Variants in ATR observed in about 807,000 individuals in gnomAD.
The protein encoded by ATR is ATR checkpoint kinase.
Under a neutral mutation model 305.3 loss-of-function variants are expected in ATR, and 142 were observed. The ratio of observed to expected loss-of-function variants is 0.47; its 90% CI spans 0.41 to 0.53. The LOEUF (loss-of-function observed/expected upper bound fraction) is 0.53. Ranked by LOEUF, ATR falls within the 20% of genes least tolerant of loss-of-function variation. The pLI, the probability that ATR is intolerant of heterozygous loss-of-function variation, is 0.00. For missense variants in ATR, 2,135 were observed against 3,133.1 expected, an observed-to-expected ratio of 0.68 and a Z score of 7.60; for synonymous variants, 1,050 against 1,068.1, an observed-to-expected ratio of 0.98 and a Z score of 0.33.
At chr3:142,575,390 A>G (rs2035402461) in intron 1 of ATR, among the ~76,000 whole-genome samples, 1 of 151,698 alleles carries the variant, frequency 6.6e-6, no homozygotes, top group Non-Finnish European at 1.5e-5. Context: ...AGGCTGAGAC[A>G]GGAAAATCGC....
intron 2 of ATR, among the ~76,000 whole-genome samples, chr3:142,566,994 T>A (rs1399183762): frequency 6.6e-6 from 1 of 152,168 alleles, no homozygotes; most frequent in Non-Finnish European, 1.5e-5. Flanking sequence ...TCCACCCACC[T>A]CGGCCTCCCA....
chr3:142,471,269 CAT>C lies in ATR; in HGVS notation c.6222-1088_6222-1087del, dbSNP rs1408592781. Reference sequence around the variant, plus strand: ...TCCTCGAGGTTCATCTATGTTGTACCATATGTCAGAATTTCCTTCCTTTTTAA... The same window carrying C: ...TCCTCGAGGTTCATCTATGTTGTACCATGTCAGAATTTCCTTCCTTTTTAA... On this transcript the variant is annotated intron_variant, in intron 36 of 46. Coordinates refer to ENST00000350721, the MANE Select transcript of ATR (RefSeq NM_001184.4). 3.9e-4 allele frequency among the ~76,000 whole-genome samples: 60 copies of C among 152,114 alleles called. 1 individual carries two copies. Among genetic ancestry groups the C allele is most frequent in the Admixed American group, 3.7e-3 (56 of 15,264 alleles).
At chr3:142,527,265 A>G (rs1237482242) in intron 21 of ATR, among the ~76,000 whole-genome samples, 1 of 152,000 alleles carries the variant, frequency 6.6e-6, no homozygotes, top group Non-Finnish European at 1.5e-5. Flanking sequence ...TTCATTTCCT[A>G]TACTCCAGGA....
At chr3:142,460,199 C>T (rs1443335638) in intron 42 of ATR, among the ~76,000 whole-genome samples, 2 of 151,922 alleles carry the variant, frequency 1.3e-5, no homozygotes, top group Non-Finnish European at 2.9e-5. Flanking sequence ...GGCGTGTTAA[C>T]AATAATAAAT....
intron 45 of ATR, among the ~76,000 whole-genome samples, chr3:142,454,509 CGGCTCACTGCA>C (rs994122445): frequency 7.0e-6 from 1 of 142,530 alleles, no homozygotes; most frequent in African/African-American, 2.7e-5. Flanking sequence ...GGCGCAATCT[CGGCTCACTGCA>C]GGCTCCGCCC....
rs2108482763 is a variant in ATR, at chr3:142,560,325, A to T, written c.1479T>A (p.Ile493=). The T allele has an allele frequency of 2.5e-6, 4 of 1,613,928 alleles. No homozygotes were observed. Among genetic ancestry groups the T allele is most frequent in the Non-Finnish European group, 3.4e-6 (4 of 1,179,906 alleles). The change falls in exon 6 of 47, where the codon ATT becomes ATA. Residue 493 remains isoleucine, a synonymous_variant. Coordinates refer to ENST00000350721, the MANE Select transcript of ATR (RefSeq NM_001184.4). ...KNPVIEMLEG[I]AVVLQLTALC... is the part of the protein sequence containing the mutation. Reference sequence around the variant, plus strand: ...GAGCAGTCAGTTGTAAGACAACAGCAATTCCTTCTAACATCTCAATAACAG... The same window carrying T: ...GAGCAGTCAGTTGTAAGACAACAGCTATTCCTTCTAACATCTCAATAACAG...
At chr3:142,493,842 G>A (rs552628052) in intron 34 of ATR, among the ~76,000 whole-genome samples, 1 of 151,864 alleles carries the variant, frequency 6.6e-6, no homozygotes, top group Non-Finnish European at 1.5e-5. Flanking sequence ...TCTCCAGCCT[G>A]GGTGACAGAG....
chr3:142,475,227 T>G (rs1039145768), intron 36 of ATR, among the ~76,000 whole-genome samples: 49 of 152,190 alleles, frequency 3.2e-4, no homozygotes, highest in Non-Finnish European at 3.1e-4. Flanking sequence ...TAGGTATATC[T>G]CCTAATGCTA....
At chr3:142,470,036 C>T (rs2071223396) in intron 37 of ATR, 50 bp downstream of exon 37, 2 of 1,436,712 alleles carry the variant, frequency 1.4e-6, no homozygotes, top group Admixed American at 1.8e-5. Context: ...TGACTTTATA[C>T]CAAAGTTATA....
In ATR at chr3:142,562,999, T is replaced by TA. The variant is rs1172524685; in HGVS notation, c.402dup (p.Lys135Ter). On this transcript the variant is annotated frameshift_variant, in exon 4 of 47. Coordinates refer to ENST00000350721, the MANE Select transcript of ATR (RefSeq NM_001184.4). LOFTEE classifies it high-confidence loss of function. ...CCAAAAATAGCAGGACTCTTGCTTT[T>TA]AAAAAGAAATAATAATGAACAGATG... 1 of 1,598,704 alleles carries TA rather than the reference T, an allele frequency of 6.3e-7. No individual in the cohort carries two copies. Among genetic ancestry groups the TA allele is most frequent in the African/African-American group, 1.4e-5 (1 of 73,854 alleles).
At chr3:142,483,182 C>T (rs1334217285) in intron 36 of ATR, among the ~76,000 whole-genome samples, 5 of 151,718 alleles carry the variant, frequency 3.3e-5, no homozygotes, top group African/African-American at 1.2e-4. Context: ...ACAGATATTG[C>T]TTTAATTTCT....
intron 32 of ATR, 130 bp from the exon 33 acceptor site, chr3:142,497,322 A>G: frequency 1.1e-6 from 1 of 884,982 alleles, no homozygotes; most frequent in South Asian, 1.7e-5. Flanking sequence ...GAACTTTAAT[A>G]TATCCTTGCT....
intron 36 of ATR, among the ~76,000 whole-genome samples, chr3:142,471,207 T>C (rs1207282753): frequency 6.6e-6 from 1 of 152,214 alleles, no homozygotes; most frequent in Admixed American, 6.5e-5. Context: ...ACAGTATTTG[T>C]CCTTTTTGTG....
In ATR at chr3:142,469,707, C is replaced by T. The variant is rs114511829; in HGVS notation, c.6320-138G>A. On this transcript the variant is annotated intron_variant, in intron 37 of 46. Transcript: ENST00000350721. ...CCCATGCCCAAGGTTAGGTCACTTG[C>T]CAATTTGTGAAAAGATAGTTGTCTC... 3.5e-3 allele frequency: 2,510 copies of T among 716,656 alleles called. 54 individuals are homozygous for T. In the African/African-American group the frequency reaches 0.041, roughly 12 times the overall value. 44.4% of individuals were successfully genotyped at this position (716,656 alleles called of 1,614,324 possible).
chr3:142,553,095 C>A (rs189384990), intron 13 of ATR, 132 bp downstream of exon 13: 2 of 1,190,504 alleles, frequency 1.7e-6, no homozygotes, highest in East Asian at 5.1e-5. Flanking sequence ...TGCAATATAC[C>A]CCTGAACTTA....
intron 26 of ATR, among the ~76,000 whole-genome samples, chr3:142,513,257 G>T (rs1185998486): frequency 6.6e-6 from 1 of 152,072 alleles, no homozygotes; most frequent in African/African-American, 2.4e-5. Flanking sequence ...AGGTTAAAAA[G>T]AAAATGACTA....
chr3:142,487,425 C>A (rs574483283), intron 35 of ATR, among the ~76,000 whole-genome samples: 34 of 152,310 alleles, frequency 2.2e-4, no homozygotes, highest in South Asian at 4.1e-4. Context: ...GCATGAGCCA[C>A]CATGCCCAGC....
intron 36 of ATR, among the ~76,000 whole-genome samples, chr3:142,477,554 T>G (rs761828251): frequency 4.6e-5 from 7 of 152,176 alleles, no homozygotes; most frequent in African/African-American, 1.7e-4. Context: ...TAAAATTCTC[T>G]TTTTTTGTTG....
rs34686786 is a variant in ATR at position 142,498,478 on chromosome 3, G to A, written c.5558+119C>T. ...GTGAGGTAAAAAGAATGAAAGAGCT[G>A]TCTAGTGTAGCTATGCATGAAACCA... On this transcript the variant is annotated intron_variant, in intron 32 of 46. Coordinates refer to ENST00000350721, the MANE Select transcript of ATR (RefSeq NM_001184.4). 0.019 allele frequency: 16,755 copies of A among 871,856 alleles called. 229 individuals are homozygous for A. The highest frequency in any genetic ancestry group is 0.04 in the South Asian group (2,601 of 64,920). The allele number at this position is 871,856 out of a possible 1,614,324, so 54.0% of individuals were successfully genotyped here.
Sources: gnomAD v4.1 joint callset for allele counts (sites outside exome capture counted in the v4.1 genomes callset) on GRCh38, gnomAD v4.1.1 for gene constraint, MANE v1.5 for transcripts, NCBI Gene and HGNC (gene_info 2026-07-23, HGNC 2026-07-21) for gene names.